Variants in BRD4 observed in about 807,000 individuals in gnomAD.
BRD4 encodes the protein bromodomain containing 4, also known as bromodomain-containing protein 4.
A neutral mutation model predicts 142.1 loss-of-function variants in BRD4; 16 were observed. The ratio of observed to expected loss-of-function variants is 0.11; its 90% CI spans 0.08 to 0.17. The LOEUF is 0.17. BRD4 is among the 10% of genes least tolerant of loss of function. The pLI, the probability that BRD4 is intolerant of heterozygous loss-of-function variation, is 1.00. For synonymous variants in BRD4, 833 were observed against 707.5 expected (o/e 1.18, Z -2.82); for missense variants, 1,424 against 1,810.9 (o/e 0.79, Z 3.88).
At chr19:15,330,862 C>G (rs1568415896) in intron 1 of BRD4, among the ~76,000 whole-genome samples, 1 of 152,168 alleles carries the variant, frequency 6.6e-6, no homozygotes, top group Non-Finnish European at 1.5e-5. Context: ...TTTTGAGTAT[C>G]GCTTTCTTTA....
rs755812111 is a variant in BRD4, at chr19:15,326,153, T to TAA, written c.-35+6135_-35+6136dup. Among the ~76,000 whole-genome samples the TAA allele has an allele frequency of 1.4e-3, 142 of 100,898 alleles. 2 individuals carry two copies. The highest frequency in any genetic ancestry group is 2.0e-3 in the African/African-American group (52 of 25,734). The allele number at this position is 100,898 out of a possible 152,430, so 66.2% of individuals were successfully genotyped here. A position where few individuals can be genotyped will look rare whatever the true frequency, so the allele number is the denominator to read the frequency against. On this transcript the variant is annotated intron_variant, in intron 1 of 19. Coordinates refer to ENST00000679869, the MANE Select transcript of BRD4 (RefSeq NM_001379291.1). ...TTTGGAAATGTTCACAATGTAGCAT[T>TAA]AAAAAAAAAAAAAAAAAAAAAGGCC...
In BRD4 at chr19:15,267,468, G is replaced by A. The variant is rs947941827; in HGVS notation, c.507C>T (p.Thr169=). ...CTTTTGCCTGGACTATCATGATCTC[G>A]GTTTCTTCTGTGGGTAGCTCATTTA... The part of the protein sequence containing the change: ...QKINELPTEE[T]EIMIVQAKGR... The change falls in exon 4 of 20, where the codon ACC becomes ACT. Residue 169 remains threonine, a synonymous_variant. Coordinates refer to ENST00000679869, the MANE Select transcript of BRD4 (RefSeq NM_001379291.1). 7 of 1,614,050 alleles carry A rather than the reference G, an allele frequency of 4.3e-6. No individual in the cohort carries two copies. The highest frequency in any genetic ancestry group is 1.1e-5 in the South Asian group (1 of 91,076).
intron 1 of BRD4, among the ~76,000 whole-genome samples, chr19:15,321,352 G>A (rs2144992952): frequency 6.6e-6 from 1 of 150,772 alleles, no homozygotes; most frequent in South Asian, 2.1e-4. Context: ...CATCTAGCAT[G>A]CCTCTTATCA....
intron 8 of BRD4, among the ~76,000 whole-genome samples, 200 bp from the exon 9 acceptor site, chr19:15,256,463 C>A (rs1343549537): frequency 2.0e-5 from 3 of 152,254 alleles, no homozygotes; most frequent in Non-Finnish European, 2.9e-5. Context: ...ACTATCTCCA[C>A]CCATTCACTC....
At chr19:15,331,226 T>A (rs901655871) in intron 1 of BRD4, among the ~76,000 whole-genome samples, 16 of 152,300 alleles carry the variant, frequency 1.1e-4, no homozygotes, top group African/African-American at 3.4e-4. Flanking sequence ...ACATGACTCA[T>A]GCACCGGCCT....
At chr19:15,291,916 G>A (rs1054009457) in intron 1 of BRD4, among the ~76,000 whole-genome samples, 3 of 152,150 alleles carry the variant, frequency 2.0e-5, no homozygotes, top group African/African-American at 4.8e-5. Flanking sequence ...CGAAGGTTCA[G>A]TCATCCTTGA....
intron 1 of BRD4, among the ~76,000 whole-genome samples, chr19:15,304,863 A>C (rs999159599): frequency 3.3e-5 from 5 of 152,060 alleles, no homozygotes; most frequent in African/African-American, 9.7e-5. Context: ...TTATACCCCC[A>C]AAAAATCATT....
intron 10 of BRD4, 128 bp from the exon 11 acceptor site, chr19:15,254,390 C>A: frequency 1.4e-6 from 1 of 727,454 alleles, no homozygotes; most frequent in South Asian, 1.7e-5. Context: ...GGCCCAGGGG[C>A]TGCTCCCAAC....
chr19:15,270,136 C>G (rs1025053177), intron 2 of BRD4, among the ~76,000 whole-genome samples: 8 of 152,172 alleles, frequency 5.3e-5, no homozygotes, highest in African/African-American at 1.9e-4. Context: ...CAAGTGGAGT[C>G]CCACGGTAGA....
chr19:15,239,970 T>C lies in BRD4; in HGVS notation c.3222A>G (p.Ser1074=). 1.2e-6 allele frequency: 2 copies of C among 1,613,194 alleles called. No individual in the cohort carries two copies. Among genetic ancestry groups the C allele is most frequent in the Non-Finnish European group, 1.7e-6 (2 of 1,179,796 alleles). Residue 1074 remains serine (S), a synonymous_variant, in exon 15 of 20, where the codon TCA becomes TCG. Coordinates refer to ENST00000679869, the MANE Select transcript of BRD4 (RefSeq NM_001379291.1). The surrounding 1 kb of genome is among the most constrained non-coding windows in gnomAD (Gnocchi z 7.4). ...SPLMIHSPQM[S]QFQSLTHQSP... ...ACTGGTGGGTCAGGCTCTGGAACTGTGACATCTGGGGGGAATGTATCATAA... is the reference window on the plus strand; with the variant it reads ...ACTGGTGGGTCAGGCTCTGGAACTGCGACATCTGGGGGGAATGTATCATAA...
At position 15,263,426 on chromosome 19, in the gene BRD4, C is replaced by T. The variant is rs2145595348; in HGVS notation, c.1335G>A (p.Lys445=). The T allele has an allele frequency of 1.9e-6, 3 of 1,614,066 alleles. No individual in the cohort carries two copies. The highest frequency in any genetic ancestry group is 4.5e-5 in the East Asian group (2 of 44,872). ...GCGCCCTCCCAAGCCTCACCTGGAGCTTGCGGGCCATGGCCACCACCTCAT... is the reference window on the plus strand; with the variant it reads ...GCGCCCTCCCAAGCCTCACCTGGAGTTTGCGGGCCATGGCCACCACCTCAT... ...PDHEVVAMAR[K]LQDVFEMRFA... is the part of the protein sequence containing the mutation. The change falls in exon 7 of 20, where the codon AAG becomes AAA. Residue 445 remains lysine (K), a synonymous_variant. Coordinates refer to ENST00000679869, the MANE Select transcript of BRD4 (RefSeq NM_001379291.1).
At chr19:15,271,881 G>A (rs376221463) in intron 2 of BRD4, among the ~76,000 whole-genome samples, 2 of 152,098 alleles carry the variant, frequency 1.3e-5, no homozygotes, top group Non-Finnish European at 2.9e-5. Flanking sequence ...TGGGAGTAAG[G>A]ATGCCTGGCA....
At chr19:15,324,956 G>A (rs1415129499) in intron 1 of BRD4, among the ~76,000 whole-genome samples, 2 of 152,166 alleles carry the variant, frequency 1.3e-5, no homozygotes, top group African/African-American at 4.8e-5. Flanking sequence ...GGAAGACGTG[G>A]CACCTCTGGA....
intron 1 of BRD4, among the ~76,000 whole-genome samples, chr19:15,318,936 A>C (rs2048038751): frequency 6.6e-6 from 1 of 152,200 alleles, no homozygotes; most frequent in Non-Finnish European, 1.5e-5. Context: ...GTTACCTGAC[A>C]ACTCTGTGAA....
In BRD4 at chr19:15,306,956, TGCA is replaced by T. The variant is rs1317361161; in HGVS notation, c.-35+25331_-35+25333del. 3.2e-4 allele frequency among the ~76,000 whole-genome samples: 48 copies of T among 152,178 alleles called. 1 individual carries two copies. Among genetic ancestry groups the T allele is most frequent in the Non-Finnish European group, 1.5e-5 (1 of 68,036 alleles). On this transcript the variant is annotated intron_variant, in intron 1 of 19. Coordinates refer to ENST00000679869, the MANE Select transcript of BRD4 (RefSeq NM_001379291.1). ...TGGCACTGATAAAAGACTTGCTCAA[TGCA>T]GGGTCACCACAAATTCTCAATTTGT...
chr19:15,249,792 G>A (rs2047324994), intron 11 of BRD4, among the ~76,000 whole-genome samples: 1 of 152,120 alleles, frequency 6.6e-6, no homozygotes, highest in Admixed American at 6.5e-5. Flanking sequence ...GGGTCTACAA[G>A]AAAGGAGGTA....
intron 2 of BRD4, among the ~76,000 whole-genome samples, chr19:15,272,276 A>T (rs2047596781): frequency 6.6e-6 from 1 of 152,172 alleles, no homozygotes; most frequent in South Asian, 2.1e-4. Context: ...CTGCAGCCAC[A>T]GCCACCTTTC....
chr19:15,322,472 G>A (rs1233781642), intron 1 of BRD4, among the ~76,000 whole-genome samples: 1 of 151,942 alleles, frequency 6.6e-6, no homozygotes, highest in Non-Finnish European at 1.5e-5. Context: ...CACTTTGGGA[G>A]GCCGAGGCGG....
At chr19:15,259,895 A>G (rs913513501) in intron 7 of BRD4, among the ~76,000 whole-genome samples, 1 of 152,246 alleles carries the variant, frequency 6.6e-6, no homozygotes, top group Non-Finnish European at 1.5e-5. Context: ...CAGGGGTGCT[A>G]TGGGGCCAGC....
Sources: allele counts gnomAD v4.1 joint callset (sites outside exome capture counted in the v4.1 genomes callset), GRCh38; gene constraint gnomAD v4.1.1; non-coding constraint Gnocchi (gnomAD v3.1); transcripts MANE v1.5; gene names NCBI Gene and HGNC (gene_info 2026-07-23, HGNC 2026-07-21).